Variants in GALNT13 observed in about 807,000 individuals in gnomAD.
The protein encoded by GALNT13 is UDP-GalNAc:polypeptide N-acetylgalactosaminyltransferase 13.
Under a neutral mutation model 64.2 loss-of-function variants are expected in GALNT13, and 28 were observed. The observed-to-expected ratio is 0.44, with a 90% CI of 0.32 to 0.60. The LOEUF (loss-of-function observed/expected upper bound fraction) is 0.60. Among genes scored for constraint, GALNT13 ranks in the 20% least tolerant of loss-of-function variants. The pLI, the probability that GALNT13 is intolerant of heterozygous loss-of-function variation, is 0.05. For missense variants in GALNT13, 577 were observed against 669.8 expected, an observed-to-expected ratio of 0.86 and a Z score of 1.53; for synonymous variants, 214 against 224.6, an observed-to-expected ratio of 0.95 and a Z score of 0.42.
chr2:153,838,621 G>A, the GALNT13 span, among the ~76,000 whole-genome samples: 8 of 151,688 alleles, frequency 5.3e-5, 1 homozygote, highest in Admixed American at 2.0e-4. Context: ...CTCTATTGGT[G>A]CAAAAGTCTG....
At chr2:153,778,625 T>C in the GALNT13 span, among the ~76,000 whole-genome samples, 95 of 152,370 alleles carry the variant, frequency 6.2e-4, no homozygotes, top group African/African-American at 2.3e-3. Flanking sequence ...TGACTCATAA[T>C]GGAAGACACT....
chr2:153,696,638 T>C, the GALNT13 span, among the ~76,000 whole-genome samples: 17 of 152,202 alleles, frequency 1.1e-4, no homozygotes, highest in Non-Finnish European at 2.9e-5. Context: ...TGTTGTAATA[T>C]AAGTTATGCA....
the GALNT13 span, among the ~76,000 whole-genome samples, chr2:153,729,584 A>T: frequency 6.6e-6 from 1 of 151,996 alleles, no homozygotes; most frequent in Admixed American, 6.6e-5. Flanking sequence ...TCGAGTCAAA[A>T]TTTACTTTGC....
the GALNT13 span, among the ~76,000 whole-genome samples, chr2:153,171,121 C>T: frequency 6.6e-6 from 1 of 152,190 alleles, no homozygotes; most frequent in Non-Finnish European, 1.5e-5. Flanking sequence ...CCTGTATCAG[C>T]CTGGGGCTGA....
At chr2:153,105,029 T>TCC in the GALNT13 span, among the ~76,000 whole-genome samples, 2 of 83,548 alleles carry the variant, frequency 2.4e-5, no homozygotes, top group Non-Finnish European at 4.4e-5. Flanking sequence ...ATGCTATCCC[T>TCC]CCCCCCTCCC....
chr2:153,564,588 G>A, the GALNT13 span, among the ~76,000 whole-genome samples: 1 of 147,716 alleles, frequency 6.8e-6, no homozygotes, highest in Admixed American at 6.6e-5. Context: ...CAACATATGA[G>A]GATTAGTTTT....
At chr2:153,296,017 T>C in the GALNT13 span, among the ~76,000 whole-genome samples, 1 of 152,270 alleles carries the variant, frequency 6.6e-6, no homozygotes, top group East Asian at 1.9e-4. Context: ...CACTCAGTCT[T>C]TGACTGTGTG....
chr2:153,642,023 A>G, the GALNT13 span, among the ~76,000 whole-genome samples: 116 of 152,058 alleles, frequency 7.6e-4, no homozygotes, highest in African/African-American at 2.6e-3. Context: ...AGTTTTTGGT[A>G]TATATTTTCT....
the GALNT13 span, among the ~76,000 whole-genome samples, chr2:153,413,863 A>G: frequency 6.6e-6 from 1 of 152,230 alleles, no homozygotes; most frequent in Non-Finnish European, 1.5e-5. Context: ...CCAATCTCTC[A>G]TAGTTTAGCA....
the GALNT13 span, among the ~76,000 whole-genome samples, chr2:153,653,369 G>A: frequency 6.6e-6 from 1 of 152,054 alleles, no homozygotes; most frequent in East Asian, 1.9e-4. Context: ...TAAACCTTTC[G>A]CATTCATTCA....
chr2:153,203,399 A>G, the GALNT13 span, among the ~76,000 whole-genome samples: 1 of 152,218 alleles, frequency 6.6e-6, no homozygotes. Flanking sequence ...ATTGGCAGGC[A>G]ATATAGTTTA....
chr2:153,207,723 T>C, the GALNT13 span, among the ~76,000 whole-genome samples: 1 of 152,144 alleles, frequency 6.6e-6, no homozygotes, highest in Non-Finnish European at 1.5e-5. Flanking sequence ...AACTCTTGAG[T>C]TTAAACGATG....
the GALNT13 span, among the ~76,000 whole-genome samples, chr2:153,668,990 G>C: frequency 2.6e-5 from 4 of 152,196 alleles, no homozygotes; most frequent in African/African-American, 9.6e-5. Flanking sequence ...GATGGGCCCT[G>C]TCTGAATTGA....
At chr2:153,247,044 A>T in the GALNT13 span, among the ~76,000 whole-genome samples, 1 of 152,100 alleles carries the variant, frequency 6.6e-6, no homozygotes, top group Non-Finnish European at 1.5e-5. Flanking sequence ...ATCAAAAAAT[A>T]AAAAAAGCAT....
chr2:153,402,360 AT>A, the GALNT13 span, among the ~76,000 whole-genome samples: 3 of 149,644 alleles, frequency 2.0e-5, no homozygotes, highest in Admixed American at 1.3e-4. Flanking sequence ...TGCCCTTAAC[AT>A]TTTTTCCTTC....
chr2:153,283,481 C>G, the GALNT13 span, among the ~76,000 whole-genome samples: 3 of 152,106 alleles, frequency 2.0e-5, no homozygotes, highest in African/African-American at 7.2e-5. Flanking sequence ...TTGAAGAGCC[C>G]CTCCACTCCC....
chr2:153,203,351 T>C, the GALNT13 span, among the ~76,000 whole-genome samples: 1 of 152,150 alleles, frequency 6.6e-6, no homozygotes, highest in Non-Finnish European at 1.5e-5. Context: ...TTGAAAGCAA[T>C]ATAACCTAAA....
chr2:154,005,424 A>G (rs1190165226), intron 3 of GALNT13, among the ~76,000 whole-genome samples: 1 of 152,144 alleles, frequency 6.6e-6, no homozygotes, highest in East Asian at 1.9e-4. Flanking sequence ...ATACCTTAAA[A>G]AATTCTTCAC....
At chr2:154,162,802 A>G (rs1684810222) in intron 4 of GALNT13, among the ~76,000 whole-genome samples, 1 of 152,154 alleles carries the variant, frequency 6.6e-6, no homozygotes, top group African/African-American at 2.4e-5. Flanking sequence ...AGTACTAACT[A>G]GAGTGTTAGT....
Sources: gnomAD v4.1 joint callset for allele counts (sites outside exome capture counted in the v4.1 genomes callset) on GRCh38, gnomAD v4.1.1 for gene constraint, MANE v1.5 for transcripts, NCBI Gene and HGNC (gene_info 2026-07-23, HGNC 2026-07-21) for gene names.